Variants in ACYP2 observed in about 807,000 individuals in gnomAD.
ACYP2 encodes acylphosphatase-2.
Under a neutral mutation model 11.2 loss-of-function variants are expected in ACYP2, and 12 were observed. The ratio of observed to expected loss-of-function variants is 1.08; its 90% CI spans 0.69 to 1.74. ACYP2 has a LOEUF of 1.74. Ranked by LOEUF, ACYP2 falls within the 40% of genes most tolerant of loss-of-function variation. ACYP2 has a pLI of 0.00. For synonymous variants in ACYP2, 43 were observed against 32.2 expected (o/e 1.33, Z -1.13); for missense variants, 134 against 101.9 (o/e 1.31, Z -1.35).
At chr2:54,180,950 ACT>A (rs1387379044) in intron 6 of ACYP2, among the ~76,000 whole-genome samples, 1 of 152,036 alleles carries the variant, frequency 6.6e-6, no homozygotes, top group Non-Finnish European at 1.5e-5. Context: ...ACCTCCAGAT[ACT>A]CTCACATTGG....
intron 6 of ACYP2, among the ~76,000 whole-genome samples, chr2:54,173,586 T>C (rs1683312093): frequency 6.6e-6 from 1 of 152,224 alleles, no homozygotes; most frequent in Non-Finnish European, 1.5e-5. Flanking sequence ...GCCATTGCTT[T>C]TGGTGTTTTA....
chr2:54,137,929 A>G (rs1681355939), intron 5 of ACYP2, among the ~76,000 whole-genome samples: 3 of 152,138 alleles, frequency 2.0e-5, no homozygotes, highest in Non-Finnish European at 2.9e-5. Context: ...TTTCTCTGCA[A>G]CCTGGCCAGC....
intron 2 of ACYP2, among the ~76,000 whole-genome samples, chr2:54,036,996 ATGT>A (rs1418133678): frequency 6.6e-6 from 1 of 152,206 alleles, no homozygotes; most frequent in East Asian, 1.9e-4. Flanking sequence ...GTGTGAAGTA[ATGT>A]TGTCCCTAAT....
chr2:54,231,328 A>C (rs1406336358), intron 6 of ACYP2, among the ~76,000 whole-genome samples: 2 of 152,222 alleles, frequency 1.3e-5, no homozygotes, highest in African/African-American at 2.4e-5. Flanking sequence ...CTTTTCGTCA[A>C]TATTATGAAA....
chr2:54,046,790 A>G (rs994157213), intron 2 of ACYP2, among the ~76,000 whole-genome samples: 1 of 152,176 alleles, frequency 6.6e-6, no homozygotes, highest in Non-Finnish European at 1.5e-5. Flanking sequence ...TAATTTTTGA[A>G]TAAGGGGGCA....
chr2:54,114,053 AT>A (rs1679603478), intron 4 of ACYP2, among the ~76,000 whole-genome samples: 1 of 151,990 alleles, frequency 6.6e-6, no homozygotes, highest in African/African-American at 2.4e-5. Flanking sequence ...ATTTAACCAT[AT>A]TCTAACCAAG....
In ACYP2 at chr2:54,071,930, G is replaced by A. The variant is rs188126923; in HGVS notation, c.277+14570G>A. Among the ~76,000 whole-genome samples the A allele has an allele frequency of 4.4e-4, 67 of 152,206 alleles. No homozygotes were observed. The East Asian group carries it at 0.011, about 25-fold the overall frequency. Reference sequence around the variant, plus strand: ...GGAGGCTGAGGCAGGAGAATCATTTGAACCCAGGAGGCGGAGGTTGCAGTG... The same window carrying A: ...GGAGGCTGAGGCAGGAGAATCATTTAAACCCAGGAGGCGGAGGTTGCAGTG... On this transcript the variant is annotated intron_variant, in intron 4 of 6. Coordinates refer to ENST00000607452, the MANE Select transcript of ACYP2 (RefSeq NM_001320586.2).
chr2:54,203,447 G>A (rs948931398), intron 6 of ACYP2, among the ~76,000 whole-genome samples: 1 of 152,142 alleles, frequency 6.6e-6, no homozygotes, highest in African/African-American at 2.4e-5. Flanking sequence ...TAATATGAAT[G>A]ACTTTTATTT....
At chr2:54,115,488 T>A in intron 4 of ACYP2, 127 bp from the exon 1 acceptor site, 1 of 1,377,010 alleles carries the variant, frequency 7.3e-7, no homozygotes, top group East Asian at 2.7e-5. Flanking sequence ...AGCGGCCTCT[T>A]CCCTCCTGGC....
At chr2:54,049,197 A>T (rs908653080) in intron 2 of ACYP2, among the ~76,000 whole-genome samples, 8 of 151,972 alleles carry the variant, frequency 5.3e-5, no homozygotes, top group African/African-American at 1.9e-4. Context: ...GGAGGCGGAG[A>T]CTGCAGTGAG....
In ACYP2 at chr2:54,203,998, GTTA is replaced by G. The variant is rs781082907; in HGVS notation, c.404+65253_404+65255del. On this transcript the variant is annotated intron_variant, in intron 6 of 6. Coordinates refer to ENST00000607452, the MANE Select transcript of ACYP2 (RefSeq NM_001320586.2). ...TTATGAGGTTTTTGTTGTTGTTGTT[GTTA>G]TTGTTGTTTTTAAGACGGAGTCTCG... 6.6e-4 allele frequency among the ~76,000 whole-genome samples: 101 copies of G among 152,096 alleles called. 1 individual carries two copies. Among genetic ancestry groups the G allele is most frequent in the Non-Finnish European group, 1.3e-3 (88 of 67,986 alleles).
In ACYP2 at chr2:54,301,057, T is replaced by C. The variant is rs180672442; in HGVS notation, c.405-3631T>C. On this transcript the variant is annotated intron_variant, in intron 6 of 6. Transcript: ENST00000607452. The stretch of plus-strand genomic sequence containing the variant: ...TTTTCTATTGCACGGCCATACATAT[T>C]GGTAATATACCATATGCCATACGTA... Among the ~76,000 whole-genome samples, 367 of 152,342 alleles carry C rather than the reference T, an allele frequency of 2.4e-3. 1 individual carries two copies. Among genetic ancestry groups the C allele is most frequent in the Admixed American group, 3.9e-3 (60 of 15,306 alleles).
chr2:54,197,970 T>C (rs577017329), intron 6 of ACYP2, among the ~76,000 whole-genome samples: 4 of 116,276 alleles, frequency 3.4e-5, no homozygotes, highest in South Asian at 2.5e-4. Flanking sequence ...TTGTATTGTA[T>C]TGTATTGTAT....
chr2:54,104,759 T>C (rs770438634), intron 4 of ACYP2, among the ~76,000 whole-genome samples: 72 of 152,346 alleles, frequency 4.7e-4, no homozygotes, highest in Non-Finnish European at 8.4e-4. Context: ...TTTTAACAAC[T>C]GCTGATGGCT....
At chr2:54,118,137 T>C (rs1347883662) in intron 4 of ACYP2, among the ~76,000 whole-genome samples, 1 of 152,246 alleles carries the variant, frequency 6.6e-6, no homozygotes, top group Non-Finnish European at 1.5e-5. Context: ...TAGGAAGGAA[T>C]ATATGTGGAA....
intron 4 of ACYP2, among the ~76,000 whole-genome samples, chr2:54,071,250 G>A (rs761131552): frequency 6.6e-6 from 1 of 152,096 alleles, no homozygotes; most frequent in Non-Finnish European, 1.5e-5. Flanking sequence ...TTGCTCTCAC[G>A]GCTTCTATTC....
intron 4 of ACYP2, among the ~76,000 whole-genome samples, chr2:54,102,610 T>A (rs527855476): frequency 3.8e-5 from 4 of 106,260 alleles, no homozygotes; most frequent in Admixed American, 2.7e-4. Context: ...AGTGCCATGA[T>A]AGAAACCCAA....
intron 6 of ACYP2, among the ~76,000 whole-genome samples, chr2:54,181,926 A>G (rs1337419271): frequency 6.6e-6 from 1 of 152,144 alleles, no homozygotes; most frequent in Admixed American, 6.6e-5. Context: ...AACATAGGCC[A>G]TAAATCTTAA....
At chr2:54,301,450 A>G (rs923828087) in intron 6 of ACYP2, among the ~76,000 whole-genome samples, 2 of 152,048 alleles carry the variant, frequency 1.3e-5, no homozygotes, top group African/African-American at 2.4e-5. Context: ...CATTATGGCC[A>G]TTTTTATTAT....
Sources: allele counts gnomAD v4.1 joint callset (sites outside exome capture counted in the v4.1 genomes callset), GRCh38; gene constraint gnomAD v4.1.1; transcripts MANE v1.5; gene names NCBI Gene and HGNC (gene_info 2026-07-23, HGNC 2026-07-21).